Variants in STK32C observed in about 807,000 individuals in gnomAD.
The protein encoded by STK32C is serine/threonine-protein kinase 32C.
A neutral mutation model predicts 56.5 loss-of-function variants in STK32C; 31 were observed. That is an observed-to-expected ratio of 0.55 (90% CI 0.41 to 0.74). STK32C has a LOEUF of 0.74. Among genes scored for constraint, STK32C ranks in the 30% least tolerant of loss-of-function variants. STK32C has a pLI of 0.00. For missense variants in STK32C, 544 were observed against 676.9 expected (o/e 0.80, Z 2.18); for synonymous variants, 309 against 289.4 (o/e 1.07, Z -0.69).
At chr10:132,297,989 G>A (rs905099718) in intron 1 of STK32C, among the ~76,000 whole-genome samples, 4 of 152,340 alleles carry the variant, frequency 2.6e-5, no homozygotes, top group South Asian at 4.1e-4. Context: ...GCAGCAACCC[G>A]GGTACACTGG....
chr10:132,264,809 C>A (rs572196403), intron 1 of STK32C, among the ~76,000 whole-genome samples: 2 of 151,982 alleles, frequency 1.3e-5, no homozygotes, highest in African/African-American at 4.8e-5. Flanking sequence ...GAGGTGGGGG[C>A]GGGACAGTCG....
intron 2 of STK32C, among the ~76,000 whole-genome samples, chr10:132,236,859 C>T (rs548546630): frequency 2.1e-4 from 32 of 152,314 alleles, no homozygotes; most frequent in African/African-American, 7.7e-4. Context: ...ACCCGACAAA[C>T]GTGTTGGCCC....
chr10:132,304,942 G>T lies in STK32C; in HGVS notation c.262+2630C>A, dbSNP rs571664610. Among the ~76,000 whole-genome samples, 216 of 152,314 alleles carry T rather than the reference G, an allele frequency of 1.4e-3. 2 individuals carry two copies. Among genetic ancestry groups the T allele is most frequent in the African/African-American group, 4.6e-3 (190 of 41,560 alleles). On this transcript the variant is annotated intron_variant, in intron 1 of 11. Transcript: ENST00000298630. ...GCTGGAGACTCAATGCTGTGACCCCGAGACGGGCGAGCGCCCCCCAGGTTG... is the reference window on the plus strand; with the variant it reads ...GCTGGAGACTCAATGCTGTGACCCCTAGACGGGCGAGCGCCCCCCAGGTTG...
intron 2 of STK32C, among the ~76,000 whole-genome samples, chr10:132,237,698 T>C (rs1590217752): frequency 6.6e-6 from 1 of 151,550 alleles, no homozygotes; most frequent in East Asian, 1.9e-4. Context: ...AAGTGCAGCT[T>C]CACCCCTCTT....
chr10:132,262,937 AAAC>A (rs1167489367), intron 1 of STK32C, among the ~76,000 whole-genome samples: 1 of 152,184 alleles, frequency 6.6e-6, no homozygotes, highest in Non-Finnish European at 1.5e-5. Flanking sequence ...AAAAGTCATA[AAAC>A]AACAGATGCT....
intron 2 of STK32C, among the ~76,000 whole-genome samples, chr10:132,230,859 T>C (rs766911913): frequency 4.6e-5 from 7 of 152,310 alleles, no homozygotes; most frequent in Admixed American, 4.6e-4. Flanking sequence ...CTGCTCACGA[T>C]GCAGCTCAGC....
exon 1 of STK32C, chr10:132,331,499 T>A (rs750829895): frequency 6.2e-7 from 1 of 1,612,850 alleles, no homozygotes; most frequent in Non-Finnish European, 8.5e-7. Context: ...AAGAGGACGC[T>A]CTGAGTCTGC....
chr10:132,329,959 T>C (rs2066606351), intron 1 of STK32C, among the ~76,000 whole-genome samples: 1 of 150,244 alleles, frequency 6.7e-6, no homozygotes, highest in African/African-American at 2.5e-5. Flanking sequence ...AGCAAACTTC[T>C]CGGCAGGGTA....
chr10:132,294,773 CCCAGAGCCCCGGGTTCTGTATT>C (rs1323854668), intron 1 of STK32C, among the ~76,000 whole-genome samples: 3 of 152,192 alleles, frequency 2.0e-5, no homozygotes, highest in Non-Finnish European at 4.4e-5. Flanking sequence ...AGCTCTTCCC[CCCAGAGCCCCGGGTTCTGTATT>C]CCAGAGCCCT....
intron 2 of STK32C, among the ~76,000 whole-genome samples, chr10:132,231,647 G>A: frequency 6.6e-6 from 1 of 152,248 alleles, no homozygotes; most frequent in South Asian, 2.1e-4. Context: ...CTCTGAAGAT[G>A]TAATTAAGTT....
At chr10:132,330,404 C>G (rs895568865) in intron 1 of STK32C, 1 of 716,724 alleles carries the variant, frequency 1.4e-6, no homozygotes, top group African/African-American at 1.7e-5. Flanking sequence ...ACACCCATGT[C>G]ACTCCTCATT....
At chr10:132,256,058 C>A (rs750309492) in intron 1 of STK32C, among the ~76,000 whole-genome samples, 4 of 152,212 alleles carry the variant, frequency 2.6e-5, no homozygotes, top group Non-Finnish European at 5.9e-5. Flanking sequence ...CCCTTCCAGC[C>A]TCGGGGAGCC....
chr10:132,321,146 C>A (rs908710845), downstream of STK32C, among the ~76,000 whole-genome samples: 20 of 152,250 alleles, frequency 1.3e-4, 1 homozygote, highest in Admixed American at 1.0e-3. Flanking sequence ...GCGAAGTGGG[C>A]CCTGGATGTC....
chr10:132,298,874 C>G (rs759092532), intron 1 of STK32C, among the ~76,000 whole-genome samples: 6 of 152,198 alleles, frequency 3.9e-5, no homozygotes, highest in Non-Finnish European at 8.8e-5. Context: ...TCACCGCAGC[C>G]TCATGAGAGA....
chr10:132,297,271 C>T (rs117742758), intron 1 of STK32C, among the ~76,000 whole-genome samples: 2,150 of 152,318 alleles, frequency 0.014, 34 homozygotes, highest in Non-Finnish European at 0.023. Flanking sequence ...CCATCCCCAG[C>T]GTGTCCAGGG....
intron 10 of STK32C, among the ~76,000 whole-genome samples, chr10:132,214,472 A>T (rs2062407282): frequency 6.6e-6 from 1 of 152,236 alleles, no homozygotes; most frequent in South Asian, 2.1e-4. Flanking sequence ...AAAGGGAAGG[A>T]ATTCATCTCT....
In STK32C at chr10:132,207,653, G is replaced by A. The variant is rs2062141521; in HGVS notation, c.*357C>T. ...GGGGCACCCGCGGCCTGTGCTGCAA[G>A]GGTCACCTTGTGACGAGGGCCGTGC... On this transcript the variant is annotated 3_prime_UTR_variant, in exon 12 of 12. Coordinates refer to ENST00000298630, the MANE Select transcript of STK32C (RefSeq NM_173575.4). 9.4e-6 allele frequency: 2 copies of A among 212,488 alleles called. No homozygotes were observed. The highest frequency in any genetic ancestry group is 1.2e-4 in the Admixed American group (2 of 16,860). The allele number at this position is 212,488 out of a possible 1,614,324, so 13.2% of individuals were successfully genotyped here.
At position 132,307,497 on chromosome 10, in the gene STK32C, G is replaced by A. The variant is rs1212778562; in HGVS notation, c.262+75C>T. 2.1e-6 allele frequency: 3 copies of A among 1,451,514 alleles called. No individual in the cohort carries two copies. The highest frequency in any genetic ancestry group is 1.5e-5 in the African/African-American group (1 of 67,244). The allele number at this position is 1,451,514 out of a possible 1,614,324, so 89.9% of individuals were successfully genotyped here. A position where few individuals can be genotyped will look rare whatever the true frequency, so the allele number is the denominator to read the frequency against. ...TCCCGGACACCGGGGGAACCCCTGC[G>A]GGAAAAAGCCGCCCAGCCGCGCCCG... On this transcript the variant is annotated intron_variant, in intron 1 of 11. Transcript: ENST00000298630. The surrounding 1 kb of genome is among the most constrained non-coding windows in gnomAD (Gnocchi z 4.4).
intron 1 of STK32C, among the ~76,000 whole-genome samples, chr10:132,327,493 T>G (rs1315200356): frequency 6.6e-6 from 1 of 152,034 alleles, no homozygotes; most frequent in East Asian, 1.9e-4. Context: ...TTTTTTTTTT[T>G]GAGACAGGGT....
Sources: allele counts gnomAD v4.1 joint callset (sites outside exome capture counted in the v4.1 genomes callset), GRCh38; gene constraint gnomAD v4.1.1; non-coding constraint Gnocchi (gnomAD v3.1); transcripts MANE v1.5; gene names NCBI Gene and HGNC (gene_info 2026-07-23, HGNC 2026-07-21).